TJAP1: variants seen among roughly 807,000 people sequenced by gnomAD.
TJAP1 encodes the protein tight junction-associated protein 1.
In TJAP1, 27 loss-of-function variants were observed where a neutral mutation model predicts 42.0. That is an observed-to-expected ratio of 0.64 (90% CI 0.47 to 0.89). The LOEUF (loss-of-function observed/expected upper bound fraction) is 0.89, where lower values mean the gene tolerates loss of function less well. Ranked by LOEUF, TJAP1 falls within the 40% of genes least tolerant of loss-of-function variation. The pLI is 0.00. For synonymous variants in TJAP1, 257 were observed against 288.4 expected, an observed-to-expected ratio of 0.89 and a Z score of 1.10; for missense variants, 712 against 726.9, an observed-to-expected ratio of 0.98 and a Z score of 0.24.
At position 43,501,754 on chromosome 6, in the gene TJAP1, A is replaced by T. The variant is rs868258099; in HGVS notation, c.290+67A>T. 1.6e-3 allele frequency: 883 copies of T among 551,312 alleles called. 8 individuals carry two copies. In the African/African-American group the frequency reaches 0.02, roughly 13 times the overall value. The allele number at this position is 551,312 out of a possible 1,614,324, so 34.2% of individuals were successfully genotyped here. A position where few individuals can be genotyped will look rare whatever the true frequency, so the allele number is the denominator to read the frequency against. On this transcript the variant is annotated intron_variant, in intron 6 of 10. Transcript: ENST00000372449. ...CACACACACACACACACACACACACACACACTCTCTCTGTCTCTCTCTCTC... is the reference window on the plus strand; with the variant it reads ...CACACACACACACACACACACACACTCACACTCTCTCTGTCTCTCTCTCTC...
At chr6:43,504,845 G>C (rs1251818615) in exon 11 of TJAP1, 1 of 1,614,120 alleles carries the variant, frequency 6.2e-7, no homozygotes, top group African/African-American at 1.3e-5. Context: ...TCCCAGCCTA[G>C]CCCCAGGGGC....
chr6:43,495,236 C>T lies in TJAP1; in HGVS notation c.-121-2645C>T, dbSNP rs149185010. Among the ~76,000 whole-genome samples the T allele has an allele frequency of 3.4e-3, 522 of 152,362 alleles. 2 individuals are homozygous for T. The highest frequency in any genetic ancestry group is 5.1e-3 in the Non-Finnish European group (349 of 68,040). ...AGCTTGCAGGCCAAGTGTCCCGATG[C>T]TTCTCTCTTTGTTATCCACTGCACC... is the stretch of plus-strand genomic sequence containing the variant. On this transcript the variant is annotated intron_variant, in intron 2 of 10. Coordinates refer to ENST00000372449, the Ensembl canonical transcript of TJAP1. This position sits in a 1 kb window ranked among gnomAD's most constrained non-coding sequence, Gnocchi z 4.6.
In TJAP1 at chr6:43,502,047, GACACAC is replaced by G. The variant is rs563635573; in HGVS notation, c.291-211_291-206del. Among the ~76,000 whole-genome samples the G allele has an allele frequency of 1.5e-3, 33 of 22,260 alleles. 1 individual carries two copies. Among genetic ancestry groups the G allele is most frequent in the African/African-American group, 4.8e-3 (20 of 4,128 alleles). 14.6% of individuals were successfully genotyped at this position (22,260 alleles called of 152,430 possible). ...AGTTCTGCAGGTGTGGGAATGCGGG[GACACAC>G]ACACACACACACACACACACACACT... On this transcript the variant is annotated intron_variant, in intron 6 of 10. Coordinates refer to ENST00000372449, the Ensembl canonical transcript of TJAP1.
chr6:43,501,758 A>G lies in TJAP1; in HGVS notation c.290+71A>G, dbSNP rs6940466. 74 of 493,678 alleles carry G rather than the reference A, an allele frequency of 1.5e-4. No individual in the cohort carries two copies. The African/African-American group carries it at 2.4e-3, about 16-fold the overall frequency. 30.6% of individuals were successfully genotyped at this position (493,678 alleles called of 1,614,324 possible). A position where few individuals can be genotyped will look rare whatever the true frequency, so the allele number is the denominator to read the frequency against. Reference sequence around the variant, plus strand: ...CACACACACACACACACACACACACACTCTCTCTGTCTCTCTCTCTCTCTG... The same window carrying G: ...CACACACACACACACACACACACACGCTCTCTCTGTCTCTCTCTCTCTCTG... On this transcript the variant is annotated intron_variant, in intron 6 of 10. Coordinates refer to ENST00000372449, the Ensembl canonical transcript of TJAP1.
At chr6:43,483,476 T>C (rs887858940) in intron 2 of TJAP1, among the ~76,000 whole-genome samples, 7 of 152,236 alleles carry the variant, frequency 4.6e-5, no homozygotes, top group African/African-American at 1.7e-4. Context: ...TTCCTCCTCT[T>C]GGTCCCCTGC....
chr6:43,504,694 TC>T, intron 10 of TJAP1, 66 bp from the exon 11 acceptor site: 1 of 1,562,158 alleles, frequency 6.4e-7, no homozygotes, highest in Non-Finnish European at 8.7e-7. Flanking sequence ...GCCATTACTT[TC>T]GCCATGAGTC....
intron 6 of TJAP1, among the ~76,000 whole-genome samples, chr6:43,501,923 A>T (rs1250576782): frequency 1.9e-4 from 20 of 108,084 alleles, no homozygotes; most frequent in African/African-American, 3.6e-4. Context: ...ACACACACAC[A>T]CACACTCTCT....
intron 2 of TJAP1, among the ~76,000 whole-genome samples, chr6:43,493,246 C>T (rs1788229209): frequency 1.3e-5 from 2 of 152,196 alleles, no homozygotes; most frequent in Admixed American, 6.5e-5. Flanking sequence ...TTCATTGACT[C>T]CTTAAGGTCT....
chr6:43,502,920 A>G, intron 8 of TJAP1: 1 of 538,930 alleles, frequency 1.9e-6, no homozygotes, highest in Admixed American at 3.2e-5. Context: ...CTGCAGATCC[A>G]GTCCCTGAAC....
chr6:43,503,707 G>T lies in TJAP1; in HGVS notation c.579+1G>T. On this transcript the variant is annotated splice_donor_variant, in intron 10 of 10. Coordinates refer to ENST00000372449, the Ensembl canonical transcript of TJAP1. LOFTEE classifies it high-confidence loss of function. ...CTTCCGAAACCACAAGTTTGCCGAT[G>T]TGAGTAGAACTCACCCCCTCCCTGC... 6.2e-7 allele frequency: 1 copy of T among 1,614,032 alleles called. No individual in the cohort carries two copies. The highest frequency in any genetic ancestry group is 8.5e-7 in the Non-Finnish European group (1 of 1,179,932).
chr6:43,480,075 A>G (rs1784991041), intron 2 of TJAP1, among the ~76,000 whole-genome samples: 1 of 152,164 alleles, frequency 6.6e-6, no homozygotes, highest in African/African-American at 2.4e-5. Flanking sequence ...CAGTTTTCTT[A>G]TCAATCAAAT....
At chr6:43,485,008 G>T (rs750304082) in intron 2 of TJAP1, among the ~76,000 whole-genome samples, 17 of 152,190 alleles carry the variant, frequency 1.1e-4, no homozygotes, top group Non-Finnish European at 2.4e-4. Context: ...GATTACAGGC[G>T]TGAGCCACCA....
At chr6:43,479,445 T>C (rs983397537) in intron 2 of TJAP1, among the ~76,000 whole-genome samples, 1 of 152,190 alleles carries the variant, frequency 6.6e-6, no homozygotes, top group Non-Finnish European at 1.5e-5. Context: ...CCCTTTCAAA[T>C]TGTAATTGTA....
intron 10 of TJAP1, 22 bp from the exon 11 acceptor site, chr6:43,504,739 C>T (rs753498168): frequency 6.2e-7 from 1 of 1,600,356 alleles, no homozygotes; most frequent in South Asian, 1.1e-5. Flanking sequence ...TGATGTCTCT[C>T]TTTCCTGCTC....
intron 2 of TJAP1, among the ~76,000 whole-genome samples, chr6:43,484,238 C>T (rs755041556): frequency 2.0e-4 from 31 of 152,110 alleles, no homozygotes; most frequent in Non-Finnish European, 4.1e-4. Flanking sequence ...GTGGGTGGAT[C>T]ACCTGAGGTC....
chr6:43,501,567 C>A (rs1790536812), exon 6 of TJAP1: 1 of 1,614,006 alleles, frequency 6.2e-7, no homozygotes, highest in Non-Finnish European at 8.5e-7. Context: ...CGGCGCCTGG[C>A]CTCCGCCACC....
intron 2 of TJAP1, among the ~76,000 whole-genome samples, chr6:43,488,507 TC>T (rs2127520897): frequency 6.6e-6 from 1 of 152,360 alleles, no homozygotes; most frequent in Admixed American, 6.5e-5. Context: ...GCATTGGCAC[TC>T]CCATCTCACC....
At chr6:43,483,936 G>A (rs1229834928) in intron 2 of TJAP1, among the ~76,000 whole-genome samples, 1 of 152,104 alleles carries the variant, frequency 6.6e-6, no homozygotes, top group Admixed American at 6.5e-5. Flanking sequence ...ATGGTGGCTT[G>A]TGCCTGTGGT....
rs890641746 is a variant in TJAP1 at position 43,495,841 on chromosome 6, A to T, written c.-121-2040A>T. Among the ~76,000 whole-genome samples the T allele has an allele frequency of 6.6e-6, 1 of 152,202 alleles. No homozygotes were observed. The highest frequency in any genetic ancestry group is 1.9e-4 in the East Asian group (1 of 5,174). On this transcript the variant is annotated intron_variant, in intron 2 of 10. Transcript: ENST00000372449. This position sits in a 1 kb window ranked among gnomAD's most constrained non-coding sequence, Gnocchi z 4.6. ...GTCAGGGTGAGGCAGGAGGAGCTAGAGGATGTGTGGCAACTAGAGCCAGGG... is the reference window on the plus strand; with the variant it reads ...GTCAGGGTGAGGCAGGAGGAGCTAGTGGATGTGTGGCAACTAGAGCCAGGG...
Sources: allele counts gnomAD v4.1 joint callset (sites outside exome capture counted in the v4.1 genomes callset), GRCh38; gene constraint gnomAD v4.1.1; non-coding constraint Gnocchi (gnomAD v3.1); transcripts MANE v1.5; gene names NCBI Gene and HGNC (gene_info 2026-07-23, HGNC 2026-07-21).